The following TEF variants were observed in gnomAD, a reference collection of about 807,000 sequenced individuals.
The protein encoded by TEF is TEF transcription factor, PAR bZIP family member.
Under a neutral mutation model 20.8 loss-of-function variants are expected in TEF, and 3 were observed. The ratio of observed to expected loss-of-function variants is 0.14; its 90% CI spans 0.07 to 0.37. The LOEUF is 0.37. Ranked by LOEUF, TEF falls within the 10% of genes least tolerant of loss-of-function variation. The probability of loss-of-function intolerance (pLI) is 1.00; values close to 1 mark genes in which losing one functional copy is unlikely to be tolerated. For missense variants in TEF, 296 were observed against 397.9 expected (o/e 0.74, Z 2.18); for synonymous variants, 180 against 171.1 (o/e 1.05, Z -0.41).
chr22:41,393,905 T>G (rs1431814760), intron 2 of TEF, among the ~76,000 whole-genome samples, 191 bp from the exon 3 acceptor site: 1 of 152,226 alleles, frequency 6.6e-6, no homozygotes, highest in African/African-American at 2.4e-5. Context: ...GAAAGAATTC[T>G]TTGAATGTTT....
chr22:41,380,481 T>C (rs549627192), upstream of TEF, among the ~76,000 whole-genome samples: 3 of 152,330 alleles, frequency 2.0e-5, no homozygotes, highest in African/African-American at 4.8e-5. Flanking sequence ...TGCATCAGCT[T>C]GATAACTTTT....
chr22:41,374,508 C>G (rs557769088), intron 1 of TEF, among the ~76,000 whole-genome samples: 1 of 151,068 alleles, frequency 6.6e-6, no homozygotes, highest in Non-Finnish European at 1.5e-5. Flanking sequence ...GCCGAGATCG[C>G]GCCACTGCAC....
intron 1 of TEF, among the ~76,000 whole-genome samples, chr22:41,376,905 G>A (rs191172186): frequency 1.8e-4 from 27 of 152,348 alleles, no homozygotes; most frequent in African/African-American, 5.8e-4. Flanking sequence ...CCATGGCCAT[G>A]TGGCTGGGTC....
intron 1 of TEF, among the ~76,000 whole-genome samples, chr22:41,385,777 C>G (rs1367533428): frequency 6.6e-6 from 1 of 152,130 alleles, no homozygotes; most frequent in African/African-American, 2.4e-5. Context: ...CTCTGCCTGT[C>G]AGGTTCAAGT....
intron 1 of TEF, chr22:41,367,639 T>C: frequency 1.3e-6 from 2 of 1,544,528 alleles, no homozygotes; most frequent in Non-Finnish European, 1.8e-6. Context: ...GCTGCCCAGG[T>C]ACTCGAGGGG....
At chr22:41,391,306 C>T (rs558965695) in intron 2 of TEF, among the ~76,000 whole-genome samples, 111 of 151,564 alleles carry the variant, frequency 7.3e-4, no homozygotes, top group Non-Finnish European at 1.3e-3. Flanking sequence ...GCGTGACTGA[C>T]CTATGCATTG....
chr22:41,369,842 C>T, intron 1 of TEF: 1 of 958,866 alleles, frequency 1.0e-6, no homozygotes. Flanking sequence ...GGTCCGCGTG[C>T]CCTTGCTTTG....
intron 2 of TEF, among the ~76,000 whole-genome samples, chr22:41,390,495 C>CTTT (rs11358311): frequency 9.5e-3 from 767 of 80,328 alleles, no homozygotes; most frequent in Middle Eastern, 0.018. Flanking sequence ...TCATTGTCAT[C>CTTT]TTTTTTTTTT....
At chr22:41,394,806 G>T (rs1454816256) in intron 3 of TEF, among the ~76,000 whole-genome samples, 1 of 152,166 alleles carries the variant, frequency 6.6e-6, no homozygotes. Context: ...CCAAATCTTT[G>T]GAGTCAGGCA....
upstream of TEF, among the ~76,000 whole-genome samples, chr22:41,379,901 AAAAAAAG>A (rs757944472): frequency 0.19 from 26,065 of 139,442 alleles, 3,081 homozygotes; most frequent in Admixed American, 0.36. Context: ...CTCAAAAAAA[AAAAAAAG>A]AAAAAAAGAA....
chr22:41,381,780 A>T, upstream of TEF: 1 of 891,030 alleles, frequency 1.1e-6, no homozygotes, highest in Non-Finnish European at 1.4e-6. Context: ...CTGCCCGACC[A>T]ATCACGGCCC....
chr22:41,396,199 A>G lies in TEF; in HGVS notation c.*239A>G, dbSNP rs542712286. ...GCAAGAGAATCTGCGTAGATGGGTG[A>G]CTCAGCCTTAGTTTCTATTCTTGGA... On this transcript the variant is annotated 3_prime_UTR_variant, in exon 4 of 4. Transcript: ENST00000266304. 2.9e-4 allele frequency: 142 copies of G among 493,518 alleles called. No homozygotes were observed. The highest frequency in any genetic ancestry group is 3.9e-4 in the Non-Finnish European group (106 of 272,698). 30.6% of individuals were successfully genotyped at this position (493,518 alleles called of 1,614,324 possible).
chr22:41,377,160 C>G (rs2145968638), upstream of TEF: 1 of 152,224 alleles, frequency 6.6e-6, no homozygotes, highest in South Asian at 2.1e-4. Context: ...CCACACTCAG[C>G]TAATTTTTTT....
upstream of TEF, among the ~76,000 whole-genome samples, chr22:41,379,856 G>A (rs2036992257): frequency 6.8e-6 from 1 of 146,316 alleles, no homozygotes; most frequent in African/African-American, 2.5e-5. Flanking sequence ...TCGCGCCATT[G>A]CACTCCAGCC....
intron 2 of TEF, among the ~76,000 whole-genome samples, chr22:41,390,018 G>A (rs772957859): frequency 1.1e-4 from 17 of 151,856 alleles, no homozygotes; most frequent in South Asian, 2.1e-4. Flanking sequence ...TCCTGCCTCA[G>A]CCTCCCAGGT....
At chr22:41,391,289 G>A (rs1479216735) in intron 2 of TEF, among the ~76,000 whole-genome samples, 8 of 151,628 alleles carry the variant, frequency 5.3e-5, no homozygotes, top group African/African-American at 1.9e-4. Context: ...TTTTGTTGGG[G>A]TTGGAGGCGT....
intron 1 of TEF, chr22:41,369,094 A>T: frequency 1.0e-6 from 1 of 985,358 alleles, no homozygotes; most frequent in Non-Finnish European, 1.2e-6. Flanking sequence ...GCCCCCCAGC[A>T]CACACATGAA....
chr22:41,389,393 T>A (rs577687566), intron 2 of TEF, among the ~76,000 whole-genome samples: 226 of 148,336 alleles, frequency 1.5e-3, no homozygotes, highest in Non-Finnish European at 2.6e-3. Context: ...AGAGCAAGAC[T>A]CCATCTCAAA....
intron 2 of TEF, among the ~76,000 whole-genome samples, chr22:41,388,511 G>A (rs1247405121): frequency 6.6e-6 from 1 of 151,048 alleles, no homozygotes. Flanking sequence ...TTGTGCCAGG[G>A]CATAAGCACT....
Sources: gnomAD v4.1 joint callset for allele counts (sites outside exome capture counted in the v4.1 genomes callset) on GRCh38, gnomAD v4.1.1 for gene constraint, MANE v1.5 for transcripts, NCBI Gene and HGNC (gene_info 2026-07-23, HGNC 2026-07-21) for gene names.